Variants in RASL10A observed in about 807,000 individuals in gnomAD.
RASL10A encodes RAS like family 10 member A.
In RASL10A, 13 loss-of-function variants were observed where a neutral mutation model predicts 17.3. That is an observed-to-expected ratio of 0.75 (90% CI 0.49 to 1.20). The LOEUF (loss-of-function observed/expected upper bound fraction) is 1.20. RASL10A is among the 50% of genes most tolerant of loss of function. RASL10A has a pLI of 0.00. For missense variants in RASL10A, 307 were observed against 310.3 expected (o/e 0.99, Z 0.08); for synonymous variants, 159 against 142.2 (o/e 1.12, Z -0.84).
At position 29,313,521 on chromosome 22, in the gene RASL10A, C is replaced by T. The variant is rs900476613; in HGVS notation, c.392G>A (p.Arg131Gln). Residue 131 changes from arginine (R) to glutamine (Q), a missense_variant, in exon 3 of 3, where the codon CGG (arginine) becomes CAG (glutamine). By Grantham distance (43) the Arg-to-Gln change is conservative. Coordinates refer to ENST00000216101, the MANE Select transcript of RASL10A (RefSeq NM_006477.5). The part of the protein sequence containing the change: ...EAPILVVGNK[R>Q]DRQRLRFGPR... ...TCCGAAGCGCAGCCGCTGCCTGTCC[C>T]GCTTGTTGCCTACCACGAGGATGGG... The T allele has an allele frequency of 1.3e-6, 2 of 1,569,800 alleles. No individual in the cohort carries two copies. The highest frequency in any genetic ancestry group is 2.7e-5 in the African/African-American group (2 of 74,040).
At position 29,313,502 on chromosome 22, in the gene RASL10A, G is replaced by C. The variant is rs1254240097; in HGVS notation, c.411C>G (p.Arg137=). The C allele has an allele frequency of 6.4e-7, 1 of 1,568,286 alleles. No individual in the cohort carries two copies. Among genetic ancestry groups the C allele is most frequent in the Non-Finnish European group, 8.6e-7 (1 of 1,165,124 alleles). ...VGNKRDRQRL[R]FGPRRALAAL... ...CGGCCAGCGCGCGCCGCGGTCCGAA[G>C]CGCAGCCGCTGCCTGTCCCGCTTGT... The change falls in exon 3 of 3, where the codon CGC becomes CGG. Residue 137 remains arginine (R), a synonymous_variant. Coordinates refer to ENST00000216101, the MANE Select transcript of RASL10A (RefSeq NM_006477.5).
rs1316290608 is a variant in RASL10A at position 29,313,200 on chromosome 22, T to A, written c.*101A>T. ...TCCTCATCCAATCAGGGCGGAGACT[T>A]CCCTGTCCAGTCCCAGTGAAGTTGG... On this transcript the variant is annotated 3_prime_UTR_variant, in exon 3 of 3. Coordinates refer to ENST00000216101, the MANE Select transcript of RASL10A (RefSeq NM_006477.5). 14 of 1,377,412 alleles carry A rather than the reference T, an allele frequency of 1.0e-5. No individual in the cohort carries two copies. Among genetic ancestry groups the A allele is most frequent in the Middle Eastern group, 2.3e-4 (1 of 4,300 alleles). The allele number at this position is 1,377,412 out of a possible 1,614,324, so 85.3% of individuals were successfully genotyped here.
chr22:29,319,505 G>C (rs1385224172), upstream of RASL10A: 1 of 152,254 alleles, frequency 6.6e-6, no homozygotes, highest in East Asian at 1.9e-4. Context: ...TCTTTTCTTG[G>C]GTTTGAAACC....
Position 29,313,482 on chromosome 22 carries a change from AGCGCGCGCC to A in RASL10A, c.422_430del (p.Arg141_Ala143del). ...CCAGCCCCTGCGCACTAGGGCGGCCAGCGCGCGCCGCGGTCCGAAGCGCAGCCGCTGCCT... is the reference window on the plus strand; with the variant it reads ...CCAGCCCCTGCGCACTAGGGCGGCCAGCGGTCCGAAGCGCAGCCGCTGCCT... On this transcript the variant is annotated inframe_deletion, in exon 3 of 3. Coordinates refer to ENST00000216101, the MANE Select transcript of RASL10A (RefSeq NM_006477.5). 6.4e-7 allele frequency: 1 copy of A among 1,554,560 alleles called. No individual in the cohort carries two copies. The highest frequency in any genetic ancestry group is 8.6e-7 in the Non-Finnish European group (1 of 1,156,980).
At position 29,315,044 on chromosome 22, in the gene RASL10A, C is replaced by T. The variant is rs867160938; in HGVS notation, c.203G>A (p.Ser68Asn). The T allele has an allele frequency of 6.6e-7, 1 of 1,512,692 alleles. No individual in the cohort carries two copies. The allele number at this position is 1,512,692 out of a possible 1,614,324, so 93.7% of individuals were successfully genotyped here. The change falls in exon 1 of 3, where the codon AGC becomes AAC. Residue 68 changes from serine (S) to asparagine (N), a missense_variant. Transcript: ENST00000216101. The surrounding 1 kb of genome is among the most constrained non-coding windows in gnomAD (Gnocchi z 5.5). ...RDGDVAGPGS[S>N]PGGPEEWPDA... ...AGCCGCTACCTCCGGACCCCCGGGG[C>T]TCGAGCCGGGGCCAGCGACGTCGCC...
chr22:29,315,408 G>A lies in RASL10A; in HGVS notation c.-162C>T. 2.7e-6 allele frequency: 1 copy of A among 369,112 alleles called. No homozygotes were observed. Among genetic ancestry groups the A allele is most frequent in the Non-Finnish European group, 4.5e-6 (1 of 224,196 alleles). 22.9% of individuals were successfully genotyped at this position (369,112 alleles called of 1,614,324 possible). A position where few individuals can be genotyped will look rare whatever the true frequency, so the allele number is the denominator to read the frequency against. The stretch of plus-strand genomic sequence containing the variant: ...CACCGAGACCGGAGAGGGCAGGCCC[G>A]AGGCAGGAGCTGGCGGCGGGAGGGC... On this transcript the variant is annotated 5_prime_UTR_variant, in exon 1 of 3. Coordinates refer to ENST00000216101, the MANE Select transcript of RASL10A (RefSeq NM_006477.5). The surrounding 1 kb of genome is among the most constrained non-coding windows in gnomAD (Gnocchi z 5.5).
Position 29,313,388 on chromosome 22 carries a change from C to G in RASL10A, c.525G>C (p.Leu175=). ...GGCGCGCGCGCACCAGAGCGCAGCGCAGCAGCTCGCGGAAGAGACGCAGCA... is the reference window on the plus strand; with the variant it reads ...GGCGCGCGCGCACCAGAGCGCAGCGGAGCAGCTCGCGGAAGAGACGCAGCA... ...WHVLRLFREL[L]RCALVRARPA... is the part of the protein sequence containing the mutation. Residue 175 remains leucine (L), a synonymous_variant, in exon 3 of 3, where the codon CTG becomes CTC. Coordinates refer to ENST00000216101, the MANE Select transcript of RASL10A (RefSeq NM_006477.5). 6.5e-7 allele frequency: 1 copy of G among 1,543,418 alleles called. No individual in the cohort carries two copies. The highest frequency in any genetic ancestry group is 8.7e-7 in the Non-Finnish European group (1 of 1,146,340).
chr22:29,314,953 G>C, intron 1 of RASL10A, 75 bp downstream of exon 1: 1 of 1,227,210 alleles, frequency 8.1e-7, no homozygotes, highest in Non-Finnish European at 1.1e-6. Context: ...GCCTCCACGC[G>C]GACACGCACG....
Position 29,315,343 on chromosome 22 carries a change from T to G in RASL10A, c.-97A>C, listed in dbSNP as rs867672897. 1.3e-6 allele frequency: 1 copy of G among 788,622 alleles called. No homozygotes were observed. Among genetic ancestry groups the G allele is most frequent in the African/African-American group, 1.8e-5 (1 of 54,864 alleles). The allele number at this position is 788,622 out of a possible 1,614,324, so 48.9% of individuals were successfully genotyped here. A position where few individuals can be genotyped will look rare whatever the true frequency, so the allele number is the denominator to read the frequency against. Reference sequence around the variant, plus strand: ...CGTGCGCCCCGCGCGCCCTGCCCGGTGCGCCACGGCCCCGTCGCGCTTCTC... The same window carrying G: ...CGTGCGCCCCGCGCGCCCTGCCCGGGGCGCCACGGCCCCGTCGCGCTTCTC... On this transcript the variant is annotated 5_prime_UTR_variant, in exon 1 of 3. Coordinates refer to ENST00000216101, the MANE Select transcript of RASL10A (RefSeq NM_006477.5). The surrounding 1 kb of genome is among the most constrained non-coding windows in gnomAD (Gnocchi z 5.5).
Position 29,313,421 on chromosome 22 carries a change from G to T in RASL10A, c.492C>A (p.Asn164Lys). The change falls in exon 3 of 3, where the codon AAC becomes AAA. Residue 164 changes from asparagine to lysine, a missense_variant. Physicochemically the swap from Asn to Lys is moderately conservative, Grantham distance 94. Transcript: ENST00000216101. Reference sequence around the variant, plus strand: ...CGCGGAAGAGACGCAGCACGTGCCAGTTGTACTTGGCGGAGCACTCGAGGT... The same window carrying T: ...CGCGGAAGAGACGCAGCACGTGCCATTTGTACTTGGCGGAGCACTCGAGGT... ...CGYLECSAKY[N>K]WHVLRLFREL... The T allele has an allele frequency of 6.5e-7, 1 of 1,541,556 alleles. No individual in the cohort carries two copies. The highest frequency in any genetic ancestry group is 8.7e-7 in the Non-Finnish European group (1 of 1,146,786).
chr22:29,313,463 C>T lies in RASL10A; in HGVS notation c.450G>A (p.Arg150=), dbSNP rs769611092. 4 of 1,546,360 alleles carry T rather than the reference C, an allele frequency of 2.6e-6. No homozygotes were observed. The highest frequency in any genetic ancestry group is 1.2e-5 in the South Asian group (1 of 84,814). ...ACTCGAGGTAGCCGCAGCGCCAGCC[C>T]CTGCGCACTAGGGCGGCCAGCGCGC... The part of the protein sequence containing the change: ...PRRALAALVR[R]GWRCGYLECS... Residue 150 remains arginine (R), a synonymous_variant, in exon 3 of 3, where the codon AGG becomes AGA. Coordinates refer to ENST00000216101, the MANE Select transcript of RASL10A (RefSeq NM_006477.5).
chr22:29,314,894 C>A (rs1371915452), intron 1 of RASL10A, 134 bp downstream of exon 1: 3 of 732,604 alleles, frequency 4.1e-6, no homozygotes, highest in Non-Finnish European at 6.1e-6. Context: ...GCAAGTATCC[C>A]AGGACGCACA....
upstream of RASL10A, among the ~76,000 whole-genome samples, chr22:29,318,277 C>T (rs1030921218): frequency 6.6e-6 from 1 of 152,206 alleles, no homozygotes; most frequent in Non-Finnish European, 1.5e-5. Flanking sequence ...CTGCGATGTG[C>T]CAAGCCTGAC....
At position 29,315,053 on chromosome 22, in the gene RASL10A, G is replaced by T. The variant is rs906207635; in HGVS notation, c.194C>A (p.Pro65His). The change falls in exon 1 of 3, where the codon CCC (proline) becomes CAC (histidine). Residue 65 changes from proline (P) to histidine (H), a missense_variant. By Grantham distance (77) the Pro-to-His change is moderately conservative. Transcript: ENST00000216101. The surrounding 1 kb of genome is among the most constrained non-coding windows in gnomAD (Gnocchi z 5.5). ...LSIRDGDVAG[P>H]GSSPGGPEEW... ...CTCCGGACCCCCGGGGCTCGAGCCG[G>T]GGCCAGCGACGTCGCCGTCGCGGAT... 5 of 1,515,858 alleles carry T rather than the reference G, an allele frequency of 3.3e-6. No individual in the cohort carries two copies. The highest frequency in any genetic ancestry group is 2.0e-5 in the Admixed American group (1 of 49,198). 93.9% of individuals were successfully genotyped at this position (1,515,858 alleles called of 1,614,324 possible).
chr22:29,318,571 C>T (rs1432268833), upstream of RASL10A, among the ~76,000 whole-genome samples: 1 of 152,208 alleles, frequency 6.6e-6, no homozygotes, highest in Non-Finnish European at 1.5e-5. Context: ...TGGGAGTGTG[C>T]AGCCCTGTGC....
intron 1 of RASL10A, chr22:29,314,211 C>T: frequency 1.8e-6 from 1 of 547,824 alleles, no homozygotes; most frequent in Non-Finnish European, 3.2e-6. Flanking sequence ...CTTGGTCTCC[C>T]CTCTGTTTAC....
Position 29,313,885 on chromosome 22 carries a change from G to A in RASL10A, c.322C>T (p.Arg108Trp), listed in dbSNP as rs768812991. ...TACCTGGTCTCCGCGATGCGCTGCC[G>A]CAGGGCCTTCACGTAGTCGAAACTG... ...PDSFDYVKAL[R>W]QRIAETRPAG... The change falls in exon 2 of 3, where the codon CGG becomes TGG. Residue 108 changes from arginine (R) to tryptophan (W), a missense_variant. Transcript: ENST00000216101. 4.3e-6 allele frequency: 7 copies of A among 1,613,710 alleles called. No homozygotes were observed. Among genetic ancestry groups the A allele is most frequent in the South Asian group, 1.1e-5 (1 of 91,084 alleles).
chr22:29,313,548 G>A lies in RASL10A; in HGVS notation c.365C>T (p.Ala122Val). ...CTTGTTGCCTACCACGAGGATGGGC[G>A]CTTCGGGCGCGCCCGCCGGCCTGGG... ...AETRPAGAPE[A>V]PILVVGNKRD... The change falls in exon 3 of 3, where the codon GCG (alanine) becomes GTG (valine). Residue 122 changes from alanine (A) to valine (V), a missense_variant. Transcript: ENST00000216101. 2 of 1,537,164 alleles carry A rather than the reference G, an allele frequency of 1.3e-6. No individual in the cohort carries two copies. Among genetic ancestry groups the A allele is most frequent in the South Asian group, 1.2e-5 (1 of 81,578 alleles).
rs2061444775 is a variant in RASL10A, at chr22:29,315,046, C to A, written c.201G>T (p.Ser67=). The A allele has an allele frequency of 6.6e-7, 1 of 1,512,670 alleles. No individual in the cohort carries two copies. Among genetic ancestry groups the A allele is most frequent in the East Asian group, 2.6e-5 (1 of 37,946 alleles). 93.7% of individuals were successfully genotyped at this position (1,512,670 alleles called of 1,614,324 possible). A position where few individuals can be genotyped will look rare whatever the true frequency, so the allele number is the denominator to read the frequency against. ...IRDGDVAGPG[S]SPGGPEEWPD... ...CCGCTACCTCCGGACCCCCGGGGCT[C>A]GAGCCGGGGCCAGCGACGTCGCCGT... The change falls in exon 1 of 3, where the codon TCG becomes TCT. Residue 67 remains serine, a synonymous_variant. Transcript: ENST00000216101. This position sits in a 1 kb window ranked among gnomAD's most constrained non-coding sequence, Gnocchi z 5.5.
Sources: gnomAD v4.1 joint callset for allele counts (sites outside exome capture counted in the v4.1 genomes callset) on GRCh38, gnomAD v4.1.1 for gene constraint, Gnocchi (gnomAD v3.1) non-coding constraint, MANE v1.5 for transcripts, NCBI Gene and HGNC (gene_info 2026-07-23, HGNC 2026-07-21) for gene names.